The following SYT1 variants were observed in gnomAD, a reference collection of about 807,000 sequenced individuals.
SYT1 encodes the protein synaptotagmin 1, also known as synaptotagmin-1.
A neutral mutation model predicts 44.8 loss-of-function variants in SYT1; 8 were observed. That is an observed-to-expected ratio of 0.18 (90% CI 0.10 to 0.32). The LOEUF (loss-of-function observed/expected upper bound fraction) is 0.32. Ranked by LOEUF, SYT1 falls within the 10% of genes least tolerant of loss-of-function variation. The pLI, the probability that SYT1 is intolerant of heterozygous loss-of-function variation, is 1.00. For missense variants in SYT1, 286 were observed against 509.3 expected (o/e 0.56, Z 4.22); for synonymous variants, 154 against 188.8 (o/e 0.82, Z 1.51).
At chr12:79,371,490 C>A (rs1565930070) in intron 9 of SYT1, among the ~76,000 whole-genome samples, 1 of 152,222 alleles carries the variant, frequency 6.6e-6, no homozygotes. Flanking sequence ...TCATAAACAG[C>A]AAATGCCCTA....
chr12:79,105,240 AAAT>A (rs1878649623), intron 3 of SYT1, among the ~76,000 whole-genome samples: 1 of 152,128 alleles, frequency 6.6e-6, no homozygotes. Flanking sequence ...TTTAATGCAA[AAAT>A]AATGATGATG....
chr12:79,145,765 G>GT (rs1354171767), intron 3 of SYT1, among the ~76,000 whole-genome samples: 6 of 145,106 alleles, frequency 4.1e-5, no homozygotes, highest in African/African-American at 1.6e-4. Flanking sequence ...TTGTTTGTTT[G>GT]TTTGTTTTTT....
intron 2 of SYT1, among the ~76,000 whole-genome samples, chr12:79,033,528 G>A (rs1872946264): frequency 6.6e-6 from 1 of 151,250 alleles, no homozygotes; most frequent in African/African-American, 2.4e-5. Flanking sequence ...TTAGGTGGTT[G>A]GTTCTTAACT....
At chr12:79,109,288 G>A (rs188366176) in intron 3 of SYT1, among the ~76,000 whole-genome samples, 4 of 152,110 alleles carry the variant, frequency 2.6e-5, no homozygotes, top group Admixed American at 6.6e-5. Context: ...ATCATATGCC[G>A]GATACTGTGT....
intron 3 of SYT1, among the ~76,000 whole-genome samples, chr12:79,158,351 G>A (rs986515280): frequency 1.3e-5 from 2 of 152,082 alleles, no homozygotes; most frequent in Non-Finnish European, 2.9e-5. Context: ...CCTCCTGGAA[G>A]TATCTAATGT....
chr12:79,027,764 C>A (rs1304998348), intron 2 of SYT1, among the ~76,000 whole-genome samples: 1 of 151,344 alleles, frequency 6.6e-6, no homozygotes, highest in Non-Finnish European at 1.5e-5. Flanking sequence ...AAATAAGAAG[C>A]TTTATTAAGA....
chr12:79,151,480 G>A (rs1239708308), intron 3 of SYT1, among the ~76,000 whole-genome samples: 1 of 152,164 alleles, frequency 6.6e-6, no homozygotes, highest in African/African-American at 2.4e-5. Flanking sequence ...CATATATCAA[G>A]CTAATACATT....
At chr12:78,895,529 G>C (rs1279667562) in intron 1 of SYT1, among the ~76,000 whole-genome samples, 1 of 151,626 alleles carries the variant, frequency 6.6e-6, no homozygotes, top group Admixed American at 6.6e-5. Flanking sequence ...TTGTGATAAA[G>C]ATTTAATTTT....
At chr12:79,375,951 G>A (rs912160797) in intron 9 of SYT1, among the ~76,000 whole-genome samples, 1 of 152,132 alleles carries the variant, frequency 6.6e-6, no homozygotes, top group African/African-American at 2.4e-5. Flanking sequence ...GGATAAATAT[G>A]TTGTATCATT....
intron 8 of SYT1, among the ~76,000 whole-genome samples, chr12:79,343,440 C>G (rs1882464275): frequency 6.6e-6 from 1 of 152,148 alleles, no homozygotes. Flanking sequence ...TGATGTAATT[C>G]TACTGACTCC....
intron 8 of SYT1, among the ~76,000 whole-genome samples, chr12:79,308,549 A>ACAG (rs1555216048): frequency 4.0e-5 from 6 of 148,446 alleles, no homozygotes; most frequent in South Asian, 2.2e-4. Context: ...AGAAAGAAAG[A>ACAG]AAAAAGAAAG....
intron 9 of SYT1, among the ~76,000 whole-genome samples, chr12:79,373,601 T>G (rs1883879306): frequency 6.6e-6 from 1 of 152,128 alleles, no homozygotes; most frequent in Non-Finnish European, 1.5e-5. Flanking sequence ...GATGGTCACA[T>G]CAAAAAAATG....
intron 3 of SYT1, among the ~76,000 whole-genome samples, chr12:79,186,136 G>T (rs985487691): frequency 6.6e-6 from 1 of 151,506 alleles, no homozygotes; most frequent in Non-Finnish European, 1.5e-5. Flanking sequence ...TGATTTTCTG[G>T]TATCTTCTGG....
intron 9 of SYT1, among the ~76,000 whole-genome samples, chr12:79,368,864 T>C (rs1222559680): frequency 2.0e-5 from 3 of 152,244 alleles, no homozygotes; most frequent in African/African-American, 7.2e-5. Context: ...TTCACTCTGA[T>C]GGTAGTTTCT....
At chr12:78,881,786 TA>T (rs1002561039) in intron 1 of SYT1, among the ~76,000 whole-genome samples, 1 of 151,080 alleles carries the variant, frequency 6.6e-6, no homozygotes, top group Non-Finnish European at 1.5e-5. Context: ...AAAGAGGAGA[TA>T]AAAGAAGAAG....
At chr12:79,309,495 AG>A (rs1880654860) in intron 8 of SYT1, among the ~76,000 whole-genome samples, 1 of 152,202 alleles carries the variant, frequency 6.6e-6, no homozygotes, top group South Asian at 2.1e-4. Flanking sequence ...AAAACTTATT[AG>A]AAATCTGAGA....
chr12:79,296,216 A>G lies in SYT1; in HGVS notation c.622A>G (p.Asn208Asp), dbSNP rs1438972216. 1 of 1,612,318 alleles carries G rather than the reference A, an allele frequency of 6.2e-7. No homozygotes were observed. Among genetic ancestry groups the G allele is most frequent in the East Asian group, 2.2e-5 (1 of 44,850 alleles). Residue 208 changes from asparagine (N) to aspartate (D), a missense_variant, in exon 7 of 11, where the codon AAT (asparagine) becomes GAT (aspartate). Asn to Asp is a conservative substitution (Grantham distance 23). Around this residue, in one of 6 missense-constraint regions of SYT1, gnomAD observed 81 missense variants for 164.9 expected, o/e 0.49. Coordinates refer to ENST00000261205, the MANE Select transcript of SYT1 (RefSeq NM_005639.3). ...CCGAAAAACCCTTAATCCTGTCTTCAATGAGCAATTTACTTTCAAGGTATT... is the reference window on the plus strand; with the variant it reads ...CCGAAAAACCCTTAATCCTGTCTTCGATGAGCAATTTACTTTCAAGGTATT... ...VHRKTLNPVF[N>D]EQFTFKVPYS... is the part of the protein sequence containing the mutation.
intron 3 of SYT1, among the ~76,000 whole-genome samples, chr12:79,115,208 T>C (rs1345053791): frequency 1.3e-5 from 2 of 152,024 alleles, no homozygotes; most frequent in African/African-American, 2.4e-5. Context: ...CAGAAAGGAG[T>C]TTCAAAAACA....
At chr12:79,305,785 C>T (rs549708293) in intron 8 of SYT1, among the ~76,000 whole-genome samples, 1 of 152,306 alleles carries the variant, frequency 6.6e-6, no homozygotes, top group African/African-American at 2.4e-5. Context: ...AACCCCCCGC[C>T]TCCCGGGTTC....
Sources: allele counts gnomAD v4.1 joint callset (sites outside exome capture counted in the v4.1 genomes callset), GRCh38; gene constraint gnomAD v4.1.1; regional missense constraint gnomAD v4.1.1; transcripts MANE v1.5; gene names NCBI Gene and HGNC (gene_info 2026-07-23, HGNC 2026-07-21).